SLC5A12: variants seen among roughly 807,000 people sequenced by gnomAD.
SLC5A12 encodes the protein sodium-coupled monocarboxylate transporter 2.
SLC5A12 carries 46 observed loss-of-function variants against 72.7 expected under a neutral mutation model. That is an observed-to-expected ratio of 0.63 (90% CI 0.50 to 0.81). The LOEUF (loss-of-function observed/expected upper bound fraction) is 0.81. Ranked by LOEUF, SLC5A12 falls within the 30% of genes least tolerant of loss-of-function variation. The pLI is 0.00. For synonymous variants in SLC5A12, 275 were observed against 264.4 expected, an observed-to-expected ratio of 1.04 and a Z score of -0.39; for missense variants, 683 against 740.7, an observed-to-expected ratio of 0.92 and a Z score of 0.90.
Position 26,670,522 on chromosome 11 carries a change from T to C in SLC5A12, c.*580A>G, listed in dbSNP as rs1287877713. On this transcript the variant is annotated 3_prime_UTR_variant, in exon 15 of 15. Coordinates refer to ENST00000396005, the MANE Select transcript of SLC5A12 (RefSeq NM_178498.4). ...TGGTCAGGACAGCTAATGACTGGAA[T>C]GACTGGAAGAGGACCTGACAGTGGT... 1 of 151,842 alleles carries C rather than the reference T, an allele frequency of 6.6e-6. No individual in the cohort carries two copies. The highest frequency in any genetic ancestry group is 6.6e-5 in the Admixed American group (1 of 15,228). 9.4% of individuals were successfully genotyped at this position (151,842 alleles called of 1,614,324 possible). A position where few individuals can be genotyped will look rare whatever the true frequency, so the allele number is the denominator to read the frequency against.
rs771485824 is a variant in SLC5A12, at chr11:26,697,189, C to A, written c.1015G>T (p.Ala339Ser). ...TMPGLPGLFV[A>S]CAFSGTLSTV... ...CTCAGAGTTCCACTGAAGGCACAAG[C>A]CACAAAAAGTCCTGGCAGTCCTGGC... The change falls in exon 8 of 15, where the codon GCT (alanine) becomes TCT (serine). Residue 339 changes from alanine to serine, a missense_variant. By Grantham distance (99) the Ala-to-Ser change is moderately conservative. Transcript: ENST00000396005. 1 of 1,613,786 alleles carries A rather than the reference C, an allele frequency of 6.2e-7. No individual in the cohort carries two copies. The highest frequency in any genetic ancestry group is 1.1e-5 in the South Asian group (1 of 91,062).
At chr11:26,687,236 A>C (rs1239908883) in intron 9 of SLC5A12, among the ~76,000 whole-genome samples, 1 of 152,206 alleles carries the variant, frequency 6.6e-6, no homozygotes, top group African/African-American at 2.4e-5. Context: ...TTAAAAAGTC[A>C]TTGTTTTTAT....
At chr11:26,702,943 T>G (rs12284496) in intron 6 of SLC5A12, among the ~76,000 whole-genome samples, 1 of 152,168 alleles carries the variant, frequency 6.6e-6, no homozygotes, top group Admixed American at 6.5e-5. Context: ...TCCAATCGGA[T>G]AGACCAAGTA....
intron 1 of SLC5A12, among the ~76,000 whole-genome samples, chr11:26,713,567 G>A (rs997134831): frequency 6.6e-6 from 1 of 152,086 alleles, no homozygotes; most frequent in South Asian, 2.1e-4. Context: ...GAAAGCATCA[G>A]CCCAATTGCT....
intron 12 of SLC5A12, among the ~76,000 whole-genome samples, chr11:26,679,415 A>G (rs988255231): frequency 2.0e-5 from 3 of 152,150 alleles, no homozygotes; most frequent in African/African-American, 7.2e-5. Flanking sequence ...GGAAGAATCA[A>G]CATGGTTTAT....
chr11:26,697,660 T>C (rs1854854564), intron 7 of SLC5A12, among the ~76,000 whole-genome samples: 2 of 152,130 alleles, frequency 1.3e-5, no homozygotes, highest in Non-Finnish European at 2.9e-5. Flanking sequence ...ATGTTTACTG[T>C]AGTATATCAG....
At chr11:26,718,600 G>T (rs371574013) in intron 1 of SLC5A12, among the ~76,000 whole-genome samples, 4 of 151,336 alleles carry the variant, frequency 2.6e-5, no homozygotes, top group African/African-American at 9.7e-5. Context: ...TTACATGTGC[G>T]CCACCATGCC....
At chr11:26,672,077 G>A (rs1854156628) in intron 14 of SLC5A12, among the ~76,000 whole-genome samples, 1 of 152,098 alleles carries the variant, frequency 6.6e-6, no homozygotes, top group South Asian at 2.1e-4. Flanking sequence ...GTTTTGCCCA[G>A]TTCCAATAAG....
chr11:26,692,726 A>C, intron 8 of SLC5A12, 125 bp from the exon 9 acceptor site: 1 of 614,730 alleles, frequency 1.6e-6, no homozygotes, highest in Non-Finnish European at 2.9e-6. Flanking sequence ...ATATATCTCT[A>C]TCTTCTGAGA....
At chr11:26,720,029 A>G (rs1377379581) in intron 1 of SLC5A12, among the ~76,000 whole-genome samples, 1 of 152,256 alleles carries the variant, frequency 6.6e-6, no homozygotes, top group Non-Finnish European at 1.5e-5. Flanking sequence ...AAGACTTAAC[A>G]CACATAAGGA....
chr11:26,696,966 A>T (rs1854831615), intron 8 of SLC5A12, among the ~76,000 whole-genome samples, 198 bp downstream of exon 8: 1 of 152,190 alleles, frequency 6.6e-6, no homozygotes, highest in African/African-American at 2.4e-5. Flanking sequence ...GCTAAATCTC[A>T]GTTTCCTTAT....
intron 7 of SLC5A12, 94 bp downstream of exon 7, chr11:26,698,312 C>A: frequency 6.7e-7 from 1 of 1,491,830 alleles, no homozygotes; most frequent in Non-Finnish European, 9.0e-7. Flanking sequence ...AGTGAGCAGT[C>A]CAGGAAGAAA....
intron 1 of SLC5A12, among the ~76,000 whole-genome samples, chr11:26,714,873 T>C (rs1183793094): frequency 2.0e-5 from 3 of 152,098 alleles, no homozygotes; most frequent in Non-Finnish European, 2.9e-5. Flanking sequence ...AACCACCTTA[T>C]TTTCAGGTCC....
At chr11:26,692,144 C>A in intron 9 of SLC5A12, 1 of 166,324 alleles carries the variant, frequency 6.0e-6, no homozygotes, top group Non-Finnish European at 1.3e-5. Flanking sequence ...AAAAAAATTC[C>A]AGAATGTTTT....
rs965446020 is a variant in SLC5A12 at position 26,697,469 on chromosome 11, C to G, written c.952-217G>C. Among the ~76,000 whole-genome samples the G allele has an allele frequency of 6.6e-5, 10 of 152,090 alleles. 1 individual carries two copies. Among genetic ancestry groups the G allele is most frequent in the Non-Finnish European group, 1.5e-4 (10 of 68,026 alleles). On this transcript the variant is annotated intron_variant, in intron 7 of 14. Coordinates refer to ENST00000396005, the MANE Select transcript of SLC5A12 (RefSeq NM_178498.4). ...TATCCTGAATGTTAGCAACTAAGCC[C>G]TAAAATCAAGCCCCTAAAAGAAGAC...
At chr11:26,690,503 G>A (rs1854641859) in intron 9 of SLC5A12, among the ~76,000 whole-genome samples, 1 of 151,552 alleles carries the variant, frequency 6.6e-6, no homozygotes, top group Admixed American at 6.6e-5. Flanking sequence ...CTGGGAAAGT[G>A]AACTATATAA....
intron 10 of SLC5A12, among the ~76,000 whole-genome samples, 195 bp from the exon 11 acceptor site, chr11:26,684,038 G>T (rs1854471038): frequency 6.6e-6 from 1 of 151,834 alleles, no homozygotes; most frequent in African/African-American, 2.4e-5. Context: ...ATGTGTGTGT[G>T]TGTGTGTGTG....
rs1185300785 is a variant in SLC5A12 at position 26,683,788 on chromosome 11, A to C, written c.1277T>G (p.Leu426Arg). ...CGGPMLGLFS[L>R]GIVFPFVNWK... Reference sequence around the variant, plus strand: ...ATTCACAAAAGGGAACACGATTCCCAGGGAGAATAAGCCCAGCATTGGTCC... The same window carrying C: ...ATTCACAAAAGGGAACACGATTCCCCGGGAGAATAAGCCCAGCATTGGTCC... The change falls in exon 11 of 15, where the codon CTG becomes CGG. Residue 426 changes from leucine (L) to arginine (R), a missense_variant. Leu to Arg is a moderately radical substitution (Grantham distance 102, BLOSUM62 -2). Coordinates refer to ENST00000396005, the MANE Select transcript of SLC5A12 (RefSeq NM_178498.4). 1 of 1,596,860 alleles carries C rather than the reference A, an allele frequency of 6.3e-7. No homozygotes were observed. Among genetic ancestry groups the C allele is most frequent in the Non-Finnish European group, 8.5e-7 (1 of 1,171,892 alleles).
chr11:26,674,770 A>T (rs1486597730), intron 13 of SLC5A12, among the ~76,000 whole-genome samples: 1 of 152,180 alleles, frequency 6.6e-6, no homozygotes, highest in African/African-American at 2.4e-5. Flanking sequence ...TTACATCACT[A>T]TGTCAAAAGA....
Sources: allele counts gnomAD v4.1 joint callset (sites outside exome capture counted in the v4.1 genomes callset), GRCh38; gene constraint gnomAD v4.1.1; transcripts MANE v1.5; gene names NCBI Gene and HGNC (gene_info 2026-07-23, HGNC 2026-07-21).